TENM2: variants seen among roughly 807,000 people sequenced by gnomAD.
The protein encoded by TENM2 is teneurin-2.
Under a neutral mutation model 245.2 loss-of-function variants are expected in TENM2, and 52 were observed. That is an observed-to-expected ratio of 0.21 (90% CI 0.17 to 0.27). The LOEUF (loss-of-function observed/expected upper bound fraction) is 0.27. TENM2 is among the 10% of genes least tolerant of loss of function. TENM2 has a pLI of 1.00. For missense variants in TENM2, 3,046 were observed against 3,666.8 expected (o/e 0.83, Z 4.37); for synonymous variants, 1,363 against 1,438.9 (o/e 0.95, Z 1.19).
chr5:168,215,544 C>A (rs1001135520), intron 21 of TENM2, among the ~76,000 whole-genome samples: 2 of 152,178 alleles, frequency 1.3e-5, no homozygotes, highest in African/African-American at 4.8e-5. Flanking sequence ...CGGTGGGCGC[C>A]TGTAGTCCCA....
chr5:168,032,276 C>T (rs1337995382), intron 5 of TENM2, among the ~76,000 whole-genome samples: 1 of 152,204 alleles, frequency 6.6e-6, no homozygotes, highest in Non-Finnish European at 1.5e-5. Context: ...CAGTGCATGG[C>T]AAACAGTAAG....
At chr5:167,976,211 TTTGG>T (rs1304938347) in intron 4 of TENM2, among the ~76,000 whole-genome samples, 1 of 152,136 alleles carries the variant, frequency 6.6e-6, no homozygotes, top group African/African-American at 2.4e-5. Context: ...TTATGGGTTT[TTTGG>T]TTGGTTGGTT....
the TENM2 span, among the ~76,000 whole-genome samples, chr5:167,067,589 A>G: frequency 2.6e-5 from 4 of 152,230 alleles, 1 homozygote; most frequent in South Asian, 6.2e-4. Context: ...TTTGGAGGGA[A>G]TAAAACATAT....
intron 7 of TENM2, among the ~76,000 whole-genome samples, chr5:168,074,621 G>C (rs1791303837): frequency 2.6e-5 from 4 of 152,140 alleles, no homozygotes; most frequent in Admixed American, 2.6e-4. Context: ...TCTGTGGCTG[G>C]CCAGTCCCTC....
At chr5:168,115,672 T>G (rs936942807) in intron 9 of TENM2, among the ~76,000 whole-genome samples, 2 of 152,142 alleles carry the variant, frequency 1.3e-5, no homozygotes, top group Non-Finnish European at 2.9e-5. Flanking sequence ...GCAACCATAC[T>G]TCTCGCTGTT....
At chr5:167,248,468 G>A in the TENM2 span, among the ~76,000 whole-genome samples, 1 of 152,108 alleles carries the variant, frequency 6.6e-6, no homozygotes, top group Non-Finnish European at 1.5e-5. Context: ...TCTGGAGAGG[G>A]CCTGAGAATT....
At chr5:168,176,817 T>G (rs758189997) in intron 13 of TENM2, among the ~76,000 whole-genome samples, 3 of 152,216 alleles carry the variant, frequency 2.0e-5, no homozygotes, top group Non-Finnish European at 4.4e-5. Context: ...GATAAATACA[T>G]TTCATTTTAG....
At chr5:167,951,498 G>C (rs918800278) in intron 3 of TENM2, among the ~76,000 whole-genome samples, 6 of 152,226 alleles carry the variant, frequency 3.9e-5, no homozygotes, top group Admixed American at 3.9e-4. Flanking sequence ...TGTAGATTGA[G>C]AATCGGTTGC....
chr5:167,640,860 CATATATATATATATAT>C (rs58985992), intron 2 of TENM2, among the ~76,000 whole-genome samples: 950 of 47,374 alleles, frequency 0.02, 21 homozygotes, highest in African/African-American at 0.03. Context: ...TATATATATC[CATATATATATATATAT>C]ATATATATAT....
At chr5:167,315,129 A>T (rs1756282201) in intron 1 of TENM2, among the ~76,000 whole-genome samples, 1 of 152,124 alleles carries the variant, frequency 6.6e-6, no homozygotes, top group Admixed American at 6.5e-5. Flanking sequence ...TCTGGAAATG[A>T]GATTACTAGA....
At chr5:167,251,915 C>T in the TENM2 span, among the ~76,000 whole-genome samples, 1 of 152,096 alleles carries the variant, frequency 6.6e-6, no homozygotes, top group Non-Finnish European at 1.5e-5. Flanking sequence ...TTATTGAGTG[C>T]CTACTGTGCC....
At chr5:167,045,630 A>C in the TENM2 span, among the ~76,000 whole-genome samples, 1 of 152,160 alleles carries the variant, frequency 6.6e-6, no homozygotes, top group Admixed American at 6.5e-5. Flanking sequence ...AACTCTGTAC[A>C]TAGTTTCAAG....
chr5:167,520,677 G>C (rs189136556), intron 2 of TENM2, among the ~76,000 whole-genome samples: 1 of 152,164 alleles, frequency 6.6e-6, no homozygotes, highest in East Asian at 1.9e-4. Flanking sequence ...CTTTGTCTGT[G>C]AAGTGTGTGG....
chr5:167,706,091 T>C (rs1447040087), intron 2 of TENM2, among the ~76,000 whole-genome samples: 6 of 145,828 alleles, frequency 4.1e-5, no homozygotes, highest in African/African-American at 1.5e-4. Flanking sequence ...TGTGTATATA[T>C]ATAATTATAC....
At chr5:167,382,044 C>T (rs1398045069) in intron 2 of TENM2, among the ~76,000 whole-genome samples, 4 of 152,006 alleles carry the variant, frequency 2.6e-5, no homozygotes, top group African/African-American at 9.7e-5. Flanking sequence ...AGTAGATGCC[C>T]TGAAGTACTG....
chr5:167,040,923 G>A, the TENM2 span, among the ~76,000 whole-genome samples: 9 of 152,222 alleles, frequency 5.9e-5, no homozygotes, highest in East Asian at 9.7e-4. Flanking sequence ...TAAGAGAATC[G>A]TGAGATCCTG....
At chr5:167,375,322 C>T (rs1451130035) in exon 2 of TENM2, 3 of 1,551,544 alleles carry the variant, frequency 1.9e-6, no homozygotes, top group East Asian at 2.4e-5. Context: ...ACGCCGACTC[C>T]GACACCGAGG....
At chr5:167,808,076 C>T (rs1766358167) in intron 2 of TENM2, among the ~76,000 whole-genome samples, 1 of 152,168 alleles carries the variant, frequency 6.6e-6, no homozygotes, top group African/African-American at 2.4e-5. Flanking sequence ...TGAGTCTCAG[C>T]AGGATGTAGT....
intron 5 of TENM2, among the ~76,000 whole-genome samples, chr5:168,004,560 A>G (rs1237179900): frequency 7.5e-6 from 1 of 132,704 alleles, no homozygotes; most frequent in East Asian, 2.4e-4. Context: ...CACACACACC[A>G]CTATCCCCGC....
Sources: allele counts gnomAD v4.1 joint callset (sites outside exome capture counted in the v4.1 genomes callset), GRCh38; gene constraint gnomAD v4.1.1; transcripts MANE v1.5; gene names NCBI Gene and HGNC (gene_info 2026-07-23, HGNC 2026-07-21).